The following MECOM variants were observed in gnomAD, a reference collection of about 807,000 sequenced individuals.
The protein encoded by MECOM is MDS1 and EVI1 complex locus.
In MECOM, 13 loss-of-function variants were observed where a neutral mutation model predicts 116.3. The observed-to-expected ratio is 0.11, with a 90% CI of 0.07 to 0.18. MECOM has a LOEUF of 0.18. Ranked by LOEUF, MECOM falls within the 10% of genes least tolerant of loss-of-function variation. The pLI, the probability that MECOM is intolerant of heterozygous loss-of-function variation, is 1.00. For missense variants in MECOM, 1,299 were observed against 1,509.0 expected (o/e 0.86, Z 2.31); for synonymous variants, 528 against 535.2 (o/e 0.99, Z 0.19).
intron 1 of MECOM, among the ~76,000 whole-genome samples, chr3:169,407,364 A>G (rs1040585201): frequency 2.6e-5 from 4 of 152,238 alleles, no homozygotes; most frequent in Admixed American, 1.3e-4. Flanking sequence ...CACACATATT[A>G]TATCAACATT....
At chr3:169,366,647 T>G (rs1346385828) in intron 2 of MECOM, among the ~76,000 whole-genome samples, 1 of 151,984 alleles carries the variant, frequency 6.6e-6, no homozygotes, top group African/African-American at 2.4e-5. Context: ...AGGGTGGAGA[T>G]TCTATGCTGG....
chr3:169,421,870 G>T (rs972372930), intron 1 of MECOM, among the ~76,000 whole-genome samples: 2 of 152,014 alleles, frequency 1.3e-5, no homozygotes, highest in African/African-American at 2.4e-5. Flanking sequence ...AACATCTCTT[G>T]TCTCTAACAT....
chr3:169,209,384 A>G (rs1750400116), intron 2 of MECOM, among the ~76,000 whole-genome samples: 2 of 152,224 alleles, frequency 1.3e-5, no homozygotes, highest in Non-Finnish European at 2.9e-5. Context: ...GAGCTTCTAC[A>G]CAGCAAAAGA....
At position 169,094,977 on chromosome 3, in the gene MECOM, G is replaced by A. The variant is rs191974431; in HGVS notation, c.3019+99C>T. The A allele has an allele frequency of 2.9e-4, 328 of 1,119,608 alleles. 1 individual carries two copies. In the African/African-American group the frequency reaches 4.0e-3, roughly 14 times the overall value. 69.4% of individuals were successfully genotyped at this position (1,119,608 alleles called of 1,614,324 possible). ...TTTTACAATAAGACCTGATTTTGGC[G>A]TCAAAATGGAATAAAAGAAGAAAGA... On this transcript the variant is annotated intron_variant, in intron 13 of 16. Transcript: ENST00000651503.
At chr3:169,172,037 C>T (rs1447354415) in intron 2 of MECOM, among the ~76,000 whole-genome samples, 2 of 151,888 alleles carry the variant, frequency 1.3e-5, no homozygotes, top group Admixed American at 6.6e-5. Flanking sequence ...ACAGGCAATA[C>T]TGATGTAGAA....
chr3:169,587,355 G>T (rs1467594268), intron 1 of MECOM, among the ~76,000 whole-genome samples: 1 of 151,330 alleles, frequency 6.6e-6, no homozygotes. Context: ...AACATTTTTT[G>T]CCATTGGCAC....
At chr3:169,209,663 C>T (rs913548508) in intron 2 of MECOM, among the ~76,000 whole-genome samples, 2 of 152,174 alleles carry the variant, frequency 1.3e-5, no homozygotes, top group Admixed American at 6.5e-5. Flanking sequence ...GATATTGTCT[C>T]CCGCCAGTCA....
intron 2 of MECOM, among the ~76,000 whole-genome samples, chr3:169,325,708 C>A (rs1050057775): frequency 6.6e-6 from 1 of 152,204 alleles, no homozygotes; most frequent in Non-Finnish European, 1.5e-5. Context: ...CCAACAAAGT[C>A]TGCTGCTCCT....
chr3:169,097,648 C>G (rs980220729), intron 12 of MECOM, among the ~76,000 whole-genome samples: 15 of 151,690 alleles, frequency 9.9e-5, no homozygotes, highest in Admixed American at 9.9e-4. Flanking sequence ...GGGGCTGATG[C>G]ATCAAGGACA....
intron 1 of MECOM, among the ~76,000 whole-genome samples, chr3:169,493,517 T>A (rs1218297721): frequency 6.6e-6 from 1 of 152,076 alleles, no homozygotes; most frequent in Non-Finnish European, 1.5e-5. Flanking sequence ...TACATACATA[T>A]ATATGTATGT....
chr3:169,506,609 C>CTTTGT (rs1397896099), intron 1 of MECOM, among the ~76,000 whole-genome samples: 6 of 152,082 alleles, frequency 3.9e-5, no homozygotes, highest in Admixed American at 3.9e-4. Flanking sequence ...TAATGTTCTG[C>CTTTGT]TTTGTTTTGT....
intron 7 of MECOM, among the ~76,000 whole-genome samples, chr3:169,118,214 T>A (rs1344039749): frequency 6.6e-6 from 1 of 152,178 alleles, no homozygotes; most frequent in East Asian, 1.9e-4. Flanking sequence ...TAAGGGTATA[T>A]CTCTTTCTTT....
At chr3:169,120,302 G>A (rs976912798) in intron 7 of MECOM, among the ~76,000 whole-genome samples, 23 of 152,098 alleles carry the variant, frequency 1.5e-4, no homozygotes, top group African/African-American at 4.8e-4. Flanking sequence ...AGGAGTGGGC[G>A]GAGAGAAGAA....
At chr3:169,570,775 G>A (rs1306122737) in intron 1 of MECOM, among the ~76,000 whole-genome samples, 2 of 152,116 alleles carry the variant, frequency 1.3e-5, no homozygotes. Context: ...AAAGGCCTTT[G>A]ATAAAATTCA....
In MECOM at chr3:169,375,911, G is replaced by A. The variant is rs142995542; in HGVS notation, c.375+5276C>T. On this transcript the variant is annotated intron_variant, in intron 2 of 16. Transcript: ENST00000651503. ...TTTCAGGCCAATATCCCTGATGAAT[G>A]TTGATGCGAAAATCCTCAATAAAAT... Among the ~76,000 whole-genome samples, 756 of 152,102 alleles carry A rather than the reference G, an allele frequency of 5.0e-3. 7 individuals are homozygous for A. The highest frequency in any genetic ancestry group is 0.017 in the African/African-American group (704 of 41,506).
chr3:169,455,171 A>G (rs1254581793), intron 1 of MECOM, among the ~76,000 whole-genome samples: 1 of 152,198 alleles, frequency 6.6e-6, no homozygotes, highest in African/African-American at 2.4e-5. Context: ...AGAGAACTCA[A>G]GTCAGAAAAA....
Position 169,275,241 on chromosome 3 carries a change from G to C in MECOM, c.375+105946C>G, listed in dbSNP as rs980679317. Reference sequence around the variant, plus strand: ...ACATTAAGACAAGGACTTTTAAAAAGCCAGGAAATCAAAACTAACTGGCAA... The same window carrying C: ...ACATTAAGACAAGGACTTTTAAAAACCCAGGAAATCAAAACTAACTGGCAA... On this transcript the variant is annotated intron_variant, in intron 2 of 16. Transcript: ENST00000651503. 2.6e-5 allele frequency among the ~76,000 whole-genome samples: 4 copies of C among 152,262 alleles called. 1 individual carries two copies. In the East Asian group the frequency reaches 5.8e-4, roughly 22 times the overall value.
At chr3:169,571,889 A>G (rs1763956563) in intron 1 of MECOM, among the ~76,000 whole-genome samples, 1 of 152,254 alleles carries the variant, frequency 6.6e-6, no homozygotes, top group Non-Finnish European at 1.5e-5. Context: ...ACAAAACTCT[A>G]GAAGAAAACC....
At chr3:169,378,456 A>AGAAAGAAAGAAAGAAG (rs1175583874) in intron 2 of MECOM, among the ~76,000 whole-genome samples, 1 of 51,660 alleles carries the variant, frequency 1.9e-5, no homozygotes, top group Non-Finnish European at 3.3e-5. Context: ...AAAGAAGGAA[A>AGAAAGAAAGAAAGAAG]GCAAGCAAGC....
Sources: gnomAD v4.1 joint callset for allele counts (sites outside exome capture counted in the v4.1 genomes callset) on GRCh38, gnomAD v4.1.1 for gene constraint, MANE v1.5 for transcripts, NCBI Gene and HGNC (gene_info 2026-07-23, HGNC 2026-07-21) for gene names.